Variants in PIK3C2A observed in about 807,000 individuals in gnomAD.
The protein encoded by PIK3C2A is phosphatidylinositol-4-phosphate 3-kinase catalytic subunit type 2 alpha.
In PIK3C2A, 97 loss-of-function variants were observed where a neutral mutation model predicts 204.5. The ratio of observed to expected loss-of-function variants is 0.47; its 90% CI spans 0.40 to 0.56. The LOEUF is 0.56. Among genes scored for constraint, PIK3C2A ranks in the 20% least tolerant of loss-of-function variants. PIK3C2A has a pLI of 0.00. For missense variants in PIK3C2A, 1,735 were observed against 1,969.2 expected, an observed-to-expected ratio of 0.88 and a Z score of 2.25; for synonymous variants, 653 against 664.4, an observed-to-expected ratio of 0.98 and a Z score of 0.26.
intron 1 of PIK3C2A, among the ~76,000 whole-genome samples, chr11:17,206,953 A>G (rs554238219): frequency 1.3e-5 from 2 of 152,306 alleles, no homozygotes; most frequent in South Asian, 4.2e-4. Context: ...CCACTGTTCA[A>G]AATAAGAATA....
chr11:17,129,121 G>A (rs1284430569), intron 13 of PIK3C2A, among the ~76,000 whole-genome samples, 179 bp downstream of exon 13: 1 of 152,174 alleles, frequency 6.6e-6, no homozygotes, highest in Non-Finnish European at 1.5e-5. Context: ...GAATATAGCA[G>A]ACTAACTTTG....
In PIK3C2A at chr11:17,150,661, C is replaced by A; in HGVS notation, c.1170-6G>T. ...ATGGAAATTTGGTCTTCAATCTGTTCACAAGAAAGAAGAAATTAAATTCTT... is the reference window on the plus strand; with the variant it reads ...ATGGAAATTTGGTCTTCAATCTGTTAACAAGAAAGAAGAAATTAAATTCTT... On this transcript the variant is annotated splice_polypyrimidine_tract_variant and splice_region_variant and intron_variant, in intron 3 of 32. Coordinates refer to ENST00000691414, the MANE Select transcript of PIK3C2A (RefSeq NM_002645.4). 1 of 1,571,728 alleles carries A rather than the reference C, an allele frequency of 6.4e-7. No individual in the cohort carries two copies. The highest frequency in any genetic ancestry group is 1.2e-5 in the South Asian group (1 of 84,898).
intron 1 of PIK3C2A, among the ~76,000 whole-genome samples, chr11:17,190,479 G>A (rs1851902227): frequency 6.6e-6 from 1 of 151,300 alleles, no homozygotes; most frequent in Non-Finnish European, 1.5e-5. Context: ...GCTGAGACAG[G>A]AGAATCACTT....
intron 22 of PIK3C2A, among the ~76,000 whole-genome samples, chr11:17,105,867 G>C (rs948542649): frequency 6.6e-6 from 1 of 152,116 alleles, no homozygotes; most frequent in African/African-American, 2.4e-5. Context: ...CTAGCACTCT[G>C]GGAGGCCGAG....
chr11:17,117,506 A>G lies in PIK3C2A; in HGVS notation c.3201T>C (p.Ser1067=), dbSNP rs1437710575. ...GGGTACATACCTGTCTGGCTGATCC[A>G]CTAGCCTGCCTTACTTTTTCTGCTA... is the stretch of plus-strand genomic sequence containing the variant. ...GGVAEKVRQA[S]GSARQVVLQR... is the part of the protein sequence containing the mutation. Residue 1067 remains serine (S), a synonymous_variant, in exon 19 of 33, where the codon AGT becomes AGC. Coordinates refer to ENST00000691414, the MANE Select transcript of PIK3C2A (RefSeq NM_002645.4). The G allele has an allele frequency of 1.2e-6, 2 of 1,612,778 alleles. No homozygotes were observed.
At position 17,087,381 on chromosome 11, in the gene PIK3C2A, A is replaced by G. The variant is rs1287562545; in HGVS notation, c.*2357T>C. On this transcript the variant is annotated 3_prime_UTR_variant, in exon 33 of 33. Coordinates refer to ENST00000691414, the MANE Select transcript of PIK3C2A (RefSeq NM_002645.4). ...TCATAAAGAAATAAACTATATGTAA[A>G]ATGTATGTGTGTTTGAATGAGTAAA... 6.6e-6 allele frequency: 1 copy of G among 152,190 alleles called. No individual in the cohort carries two copies. Among genetic ancestry groups the G allele is most frequent in the African/African-American group, 2.4e-5 (1 of 41,442 alleles). 9.4% of individuals were successfully genotyped at this position (152,190 alleles called of 1,614,324 possible). A position where few individuals can be genotyped will look rare whatever the true frequency, so the allele number is the denominator to read the frequency against.
chr11:17,207,965 A>T lies in PIK3C2A; in HGVS notation c.-183T>A, dbSNP rs1852655526. On this transcript the variant is annotated 5_prime_UTR_variant, in exon 1 of 33. Transcript: ENST00000691414. ...CGCCGAAAGCTTCGGCCGACTCCAC[A>T]GCCAGCCAAGCGCAGCACGTCACTT... The T allele has an allele frequency of 6.6e-6, 1 of 152,290 alleles. No individual in the cohort carries two copies. The highest frequency in any genetic ancestry group is 6.5e-5 in the Admixed American group (1 of 15,280). 9.4% of individuals were successfully genotyped at this position (152,290 alleles called of 1,614,324 possible).
chr11:17,192,733 C>T (rs1328263769), intron 1 of PIK3C2A, among the ~76,000 whole-genome samples: 1 of 152,188 alleles, frequency 6.6e-6, no homozygotes, highest in Non-Finnish European at 1.5e-5. Flanking sequence ...AGACGTAAGC[C>T]ACCGTGCCTG....
intron 20 of PIK3C2A, among the ~76,000 whole-genome samples, chr11:17,114,080 A>T (rs138715246): frequency 9.8e-5 from 14 of 143,384 alleles, no homozygotes; most frequent in African/African-American, 3.1e-4. Context: ...TTTGTCTCAA[A>T]AAATAAATAA....
At chr11:17,106,834 A>T (rs894043713) in intron 22 of PIK3C2A, among the ~76,000 whole-genome samples, 1 of 152,228 alleles carries the variant, frequency 6.6e-6, no homozygotes, top group Non-Finnish European at 1.5e-5. Flanking sequence ...GCACAAAAAA[A>T]TTTCTTTAAT....
chr11:17,166,310 T>A (rs995743896), intron 2 of PIK3C2A, among the ~76,000 whole-genome samples: 1 of 152,090 alleles, frequency 6.6e-6, no homozygotes, highest in African/African-American at 2.4e-5. Context: ...AGAGTTCGGT[T>A]TGAGTATGTA....
chr11:17,155,494 C>A, intron 3 of PIK3C2A, 32 bp downstream of exon 3: 1 of 1,274,486 alleles, frequency 7.8e-7, no homozygotes. Context: ...GTGAATTTTT[C>A]AAATGAACAT....
chr11:17,134,137 T>TTAA (rs1189052457), intron 11 of PIK3C2A, among the ~76,000 whole-genome samples: 1 of 152,170 alleles, frequency 6.6e-6, no homozygotes, highest in African/African-American at 2.4e-5. Flanking sequence ...GGTTAGTCAT[T>TTAA]TAAACACCAA....
In PIK3C2A at chr11:17,129,466, T is replaced by C. The variant is rs1377634298; in HGVS notation, c.2233A>G (p.Ile745Val). 2 of 1,588,308 alleles carry C rather than the reference T, an allele frequency of 1.3e-6. No homozygotes were observed. Among genetic ancestry groups the C allele is most frequent in the Non-Finnish European group, 1.7e-6 (2 of 1,159,442 alleles). The change falls in exon 13 of 33, where the codon ATC (isoleucine) becomes GTC (valine). Residue 745 changes from isoleucine (I) to valine (V), a missense_variant and splice_region_variant. Ile to Val is a conservative substitution (Grantham distance 29, BLOSUM62 3). Around this residue, in one of 6 missense-constraint regions of PIK3C2A, gnomAD observed 567 missense variants for 576.0 expected, o/e 0.98. Transcript: ENST00000691414. ...TGTGATATCTGGATAGGAAAAATGA[T>C]TCTATGGGGGGAAAAATGTATTAAT... Reference protein sequence around the residue: ...FFYLIKWDELIIFPIQISQLP... With the variant: ...FFYLIKWDELVIFPIQISQLP...
At chr11:17,197,102 AC>A (rs1283463812) in intron 1 of PIK3C2A, among the ~76,000 whole-genome samples, 2 of 151,326 alleles carry the variant, frequency 1.3e-5, no homozygotes, top group Non-Finnish European at 2.9e-5. Context: ...GCTCACTGCA[AC>A]CTCCACCTTC....
At position 17,113,781 on chromosome 11, in the gene PIK3C2A, C is replaced by CCA. The variant is rs1555018790; in HGVS notation, c.3321+579_3321+580insTG. Among the ~76,000 whole-genome samples, 27 of 76,944 alleles carry CCA rather than the reference C, an allele frequency of 3.5e-4. 2 individuals are homozygous for CCA. The highest frequency in any genetic ancestry group is 1.9e-3 in the Admixed American group (12 of 6,362). The allele number at this position is 76,944 out of a possible 152,430, so 50.5% of individuals were successfully genotyped here. On this transcript the variant is annotated intron_variant, in intron 20 of 32. Coordinates refer to ENST00000691414, the MANE Select transcript of PIK3C2A (RefSeq NM_002645.4). ...TGAGTGACAGAGCAAGACTCCATCT[C>CCA]AAAAAAAAAAAAAAAAAAGGCCAGG...
At chr11:17,138,157 C>T (rs779061243) in intron 8 of PIK3C2A, 1 of 817,948 alleles carries the variant, frequency 1.2e-6, no homozygotes, top group Non-Finnish European at 2.1e-6. Flanking sequence ...GGTCTCACAG[C>T]ACGAACCCCT....
chr11:17,198,098 T>C (rs1852225210), intron 1 of PIK3C2A, among the ~76,000 whole-genome samples: 1 of 139,602 alleles, frequency 7.2e-6, no homozygotes, highest in South Asian at 2.4e-4. Flanking sequence ...GACTTCCCTC[T>C]TATAAACTGT....
Position 17,129,313 on chromosome 11 carries a change from A to C in PIK3C2A, c.2386T>G (p.Phe796Val), listed in dbSNP as rs754090449. The C allele has an allele frequency of 6.2e-7, 1 of 1,613,696 alleles. No individual in the cohort carries two copies. The highest frequency in any genetic ancestry group is 2.2e-5 in the East Asian group (1 of 44,852). Residue 796 changes from phenylalanine to valine, a missense_variant, in exon 13 of 33, where the codon TTT becomes GTT. Phe to Val is a conservative substitution (Grantham distance 50). This residue lies in a region of PIK3C2A where 567 missense variants were observed against 576.0 expected (regional missense o/e 0.98). Coordinates refer to ENST00000691414, the MANE Select transcript of PIK3C2A (RefSeq NM_002645.4). ...EALGKVSLPL[F>V]DFKRFLTCGT... ...GGTAATACTTACCGTTTAAAGTCAAAAAGAGGTAAAGAAACTTTGCCCAAA... is the reference window on the plus strand; with the variant it reads ...GGTAATACTTACCGTTTAAAGTCAACAAGAGGTAAAGAAACTTTGCCCAAA...
Sources: gnomAD v4.1 joint callset for allele counts (sites outside exome capture counted in the v4.1 genomes callset) on GRCh38, gnomAD v4.1.1 for gene constraint, gnomAD v4.1.1 regional missense constraint, MANE v1.5 for transcripts, NCBI Gene and HGNC (gene_info 2026-07-23, HGNC 2026-07-21) for gene names.